Variants in SAMD5 observed in about 807,000 individuals in gnomAD.
SAMD5 encodes the protein sterile alpha motif domain containing 5.
In SAMD5, 13 loss-of-function variants were observed where a neutral mutation model predicts 11.3. That is an observed-to-expected ratio of 1.15 (90% CI 0.75 to 1.83). SAMD5 has a LOEUF of 1.83. SAMD5 is among the 40% of genes most tolerant of loss of function. SAMD5 has a pLI of 0.00. For synonymous variants in SAMD5, 129 were observed against 111.3 expected (o/e 1.16, Z -1.00); for missense variants, 255 against 239.1 (o/e 1.07, Z -0.44).
At chr6:147,663,681 A>G (rs1362266368) in intron 1 of SAMD5, among the ~76,000 whole-genome samples, 2 of 151,140 alleles carry the variant, frequency 1.3e-5, no homozygotes. Context: ...AATCCCGGCT[A>G]CTCAGGAGGC....
chr6:147,858,407 T>C, the SAMD5 span, among the ~76,000 whole-genome samples: 1 of 152,184 alleles, frequency 6.6e-6, no homozygotes, highest in Admixed American at 6.5e-5. Context: ...ATTTGGGCTT[T>C]ATTATTCTGT....
intron 1 of SAMD5, among the ~76,000 whole-genome samples, chr6:147,641,428 T>G (rs576978419): frequency 2.6e-5 from 4 of 152,240 alleles, no homozygotes; most frequent in Non-Finnish European, 4.4e-5. Flanking sequence ...AGATGGACCT[T>G]TTGTACCTGG....
chr6:147,868,996 A>G, the SAMD5 span, among the ~76,000 whole-genome samples: 4 of 152,220 alleles, frequency 2.6e-5, no homozygotes, highest in Admixed American at 2.6e-4. Context: ...AGCTTATTCC[A>G]TTTGTAATTA....
intron 1 of SAMD5, among the ~76,000 whole-genome samples, chr6:147,730,376 A>G (rs1234502037): frequency 6.6e-6 from 1 of 152,142 alleles, no homozygotes; most frequent in East Asian, 1.9e-4. Context: ...CCTCAACAAC[A>G]AACAGAAGAG....
At chr6:147,918,753 A>T in the SAMD5 span, among the ~76,000 whole-genome samples, 1 of 139,798 alleles carries the variant, frequency 7.2e-6, no homozygotes. Context: ...GCTGAAATGC[A>T]GTGGCGTGAT....
At chr6:147,900,488 C>T in the SAMD5 span, among the ~76,000 whole-genome samples, 3 of 152,128 alleles carry the variant, frequency 2.0e-5, no homozygotes, top group Non-Finnish European at 4.4e-5. Context: ...AGACCAGCCC[C>T]GTAATGAACA....
chr6:147,634,050 A>G (rs1790189128), intron 1 of SAMD5, among the ~76,000 whole-genome samples: 1 of 152,056 alleles, frequency 6.6e-6, no homozygotes, highest in South Asian at 2.1e-4. Context: ...TTTGCCTACC[A>G]TGGACATTTA....
chr6:147,770,733 G>A, the SAMD5 span, among the ~76,000 whole-genome samples: 1 of 152,048 alleles, frequency 6.6e-6, no homozygotes, highest in South Asian at 2.1e-4. Flanking sequence ...ATAATTATAG[G>A]CATTTGAATA....
the SAMD5 span, among the ~76,000 whole-genome samples, chr6:147,859,064 A>T: frequency 0.016 from 2,506 of 152,318 alleles, 64 homozygotes; most frequent in African/African-American, 0.057. Context: ...GGAGGACCTC[A>T]CTATGAAGAT....
the SAMD5 span, among the ~76,000 whole-genome samples, chr6:147,857,159 C>T: frequency 1.3e-5 from 2 of 151,676 alleles, no homozygotes; most frequent in Non-Finnish European, 2.9e-5. Flanking sequence ...CCAGAATTCC[C>T]AGTCACCTGC....
chr6:147,872,194 T>C, the SAMD5 span, among the ~76,000 whole-genome samples: 4 of 152,044 alleles, frequency 2.6e-5, no homozygotes, highest in African/African-American at 7.2e-5. Flanking sequence ...TAACCTTGAA[T>C]TCCTGGGCTC....
At chr6:147,571,972 G>A (rs844585), downstream of SAMD5, among the ~76,000 whole-genome samples, 9,405 of 150,788 alleles carry the variant, frequency 0.062, 427 homozygotes, top group African/African-American at 0.14. Flanking sequence ...GGATCTGTGA[G>A]TAATTTCAAC....
intron 1 of SAMD5, among the ~76,000 whole-genome samples, chr6:147,528,175 C>T (rs979626556): frequency 2.0e-5 from 3 of 152,144 alleles, no homozygotes; most frequent in Admixed American, 1.3e-4. Flanking sequence ...AGATCCAAAC[C>T]GTATCACTCA....
the SAMD5 span, among the ~76,000 whole-genome samples, chr6:147,795,249 T>C: frequency 1.5e-5 from 2 of 134,368 alleles, no homozygotes; most frequent in Non-Finnish European, 3.1e-5. Flanking sequence ...CAGAGTGTGA[T>C]GTTCCCCTTC....
intron 1 of SAMD5, among the ~76,000 whole-genome samples, chr6:147,541,421 C>T (rs1447377556): frequency 6.6e-6 from 1 of 152,108 alleles, no homozygotes; most frequent in Non-Finnish European, 1.5e-5. Context: ...TGTTCGGCAC[C>T]AAGTATTAAC....
rs894957055 is a variant in SAMD5 at position 147,567,186 on chromosome 6, C to T, written c.*2730C>T. On this transcript the variant is annotated 3_prime_UTR_variant, in exon 2 of 2. Transcript: ENST00000367474. ...AAAAGATTTCTTGGCATAGGGAAGG[C>T]GTAATGTTAAGGGCTTCTTCCTTAC... is the stretch of plus-strand genomic sequence containing the variant. 1.2e-5 allele frequency: 12 copies of T among 985,066 alleles called. No individual in the cohort carries two copies. The highest frequency in any genetic ancestry group is 5.2e-4 in the Middle Eastern group (1 of 1,936). 61.0% of individuals were successfully genotyped at this position (985,066 alleles called of 1,614,324 possible).
intron 1 of SAMD5, among the ~76,000 whole-genome samples, chr6:147,726,127 T>G (rs1408124832): frequency 6.6e-6 from 1 of 152,170 alleles, no homozygotes; most frequent in Non-Finnish European, 1.5e-5. Flanking sequence ...TGCTAGAAAC[T>G]GCAAGAAATA....
At chr6:147,794,155 A>ATATTTGAAATTTTATTCAAATT in the SAMD5 span, among the ~76,000 whole-genome samples, 1 of 152,188 alleles carries the variant, frequency 6.6e-6, no homozygotes, top group Non-Finnish European at 1.5e-5. Flanking sequence ...ATTTGAATGA[A>ATATTTGAAATTTTATTCAAATT]TAAATTTGAA....
chr6:147,752,033 G>A, the SAMD5 span, among the ~76,000 whole-genome samples: 227 of 152,022 alleles, frequency 1.5e-3, 1 homozygote, highest in Non-Finnish European at 2.4e-3. Flanking sequence ...TACATCCCTG[G>A]CTCCATGCTT....
Sources: gnomAD v4.1 joint callset for allele counts (sites outside exome capture counted in the v4.1 genomes callset) on GRCh38, gnomAD v4.1.1 for gene constraint, MANE v1.5 for transcripts, NCBI Gene and HGNC (gene_info 2026-07-23, HGNC 2026-07-21) for gene names.